Variants in TAF3 observed in about 807,000 individuals in gnomAD.
TAF3 encodes transcription initiation factor TFIID subunit 3.
A neutral mutation model predicts 80.6 loss-of-function variants in TAF3; 7 were observed. The observed-to-expected ratio is 0.09, with a 90% CI of 0.05 to 0.16. TAF3 has a LOEUF of 0.16. Among genes scored for constraint, TAF3 ranks in the 10% least tolerant of loss-of-function variants. The probability of loss-of-function intolerance (pLI) is 1.00; values close to 1 mark genes in which losing one functional copy is unlikely to be tolerated. For missense variants in TAF3, 921 were observed against 1,140.2 expected (o/e 0.81, Z 2.77); for synonymous variants, 444 against 446.1 (o/e 1.00, Z 0.06).
At chr10:7,905,742 G>A (rs1468979916) in intron 2 of TAF3, among the ~76,000 whole-genome samples, 1 of 152,064 alleles carries the variant, frequency 6.6e-6, no homozygotes, top group East Asian at 1.9e-4. Flanking sequence ...AATTAGTCGG[G>A]CGTGGTGGCA....
chr10:7,940,746 G>T lies in TAF3; in HGVS notation c.410-23174G>T, dbSNP rs540957831. 2.0e-5 allele frequency among the ~76,000 whole-genome samples: 3 copies of T among 152,226 alleles called. No individual in the cohort carries two copies. The South Asian group carries it at 6.2e-4, about 32-fold the overall frequency. Reference sequence around the variant, plus strand: ...GAGATGGGAGGATCATTTGAGCCCAGGAGTTTGAGACCAGCCTGAGCAACA... The same window carrying T: ...GAGATGGGAGGATCATTTGAGCCCATGAGTTTGAGACCAGCCTGAGCAACA... On this transcript the variant is annotated intron_variant, in intron 2 of 6. Coordinates refer to ENST00000344293, the MANE Select transcript of TAF3 (RefSeq NM_031923.4).
At chr10:7,994,856 TC>T (rs1831871721) in intron 4 of TAF3, among the ~76,000 whole-genome samples, 1 of 148,056 alleles carries the variant, frequency 6.8e-6, no homozygotes, top group Admixed American at 6.7e-5. Flanking sequence ...ATGCCTGTAA[TC>T]CCAGCTACTC....
intron 2 of TAF3, among the ~76,000 whole-genome samples, chr10:7,921,976 G>A (rs189370645): frequency 6.6e-6 from 1 of 152,154 alleles, no homozygotes; most frequent in African/African-American, 2.4e-5. Context: ...AAATATAAAT[G>A]TATAATTTTC....
At chr10:7,945,546 C>G (rs1838016277) in intron 2 of TAF3, among the ~76,000 whole-genome samples, 1 of 152,160 alleles carries the variant, frequency 6.6e-6, no homozygotes, top group Non-Finnish European at 1.5e-5. Flanking sequence ...CAGACACTCT[C>G]TAGATGCCGC....
At chr10:7,869,686 A>G (rs1305142473) in intron 2 of TAF3, among the ~76,000 whole-genome samples, 1 of 152,124 alleles carries the variant, frequency 6.6e-6, no homozygotes. Flanking sequence ...TTTGATACAT[A>G]TTTCAGTTGC....
chr10:7,819,072 C>T (rs543731537), intron 1 of TAF3, among the ~76,000 whole-genome samples, 197 bp downstream of exon 1: 7 of 152,212 alleles, frequency 4.6e-5, no homozygotes, highest in Non-Finnish European at 1.0e-4. Context: ...TCTTCCTTAT[C>T]CGCTAACTTC....
At chr10:7,842,186 T>TG (rs1410254410) in intron 2 of TAF3, among the ~76,000 whole-genome samples, 7 of 142,236 alleles carry the variant, frequency 4.9e-5, no homozygotes, top group African/African-American at 1.3e-4. Flanking sequence ...GTTTTTTTTT[T>TG]TTTTTGAGAC....
In TAF3 at chr10:7,818,790, G is replaced by T; in HGVS notation, c.81G>T (p.Gln27His). 6.4e-7 allele frequency: 1 copy of T among 1,572,704 alleles called. No homozygotes were observed. The highest frequency in any genetic ancestry group is 8.6e-7 in the Non-Finnish European group (1 of 1,169,448). Residue 27 changes from glutamine (Q) to histidine (H), a missense_variant, in exon 1 of 7, where the codon CAG becomes CAT. This residue lies in a region of TAF3 where 106 missense variants were observed against 191.8 expected (regional missense o/e 0.55). Transcript: ENST00000344293. ...ICQALGWDSV[Q>H]LSACHLLTDV... ...AGGCGCTGGGCTGGGACTCGGTGCAGCTCAGCGCCTGCCACCTCCTCACGG... is the reference window on the plus strand; with the variant it reads ...AGGCGCTGGGCTGGGACTCGGTGCATCTCAGCGCCTGCCACCTCCTCACGG...
chr10:8,012,560 A>G (rs147672099), intron 5 of TAF3, among the ~76,000 whole-genome samples: 15 of 152,340 alleles, frequency 9.8e-5, no homozygotes, highest in Middle Eastern at 3.4e-3. Context: ...TGGGAGCTTC[A>G]GGGCATAGGA....
chr10:8,014,591 G>A (rs1018390663), intron 6 of TAF3, 46 bp from the exon 7 acceptor site: 1 of 1,504,652 alleles, frequency 6.6e-7, no homozygotes, highest in Admixed American at 1.9e-5. Context: ...GAGAAGAATA[G>A]ATGTCTGTAT....
At chr10:7,857,827 C>A (rs1016345398) in intron 2 of TAF3, among the ~76,000 whole-genome samples, 3 of 151,310 alleles carry the variant, frequency 2.0e-5, no homozygotes, top group Non-Finnish European at 4.4e-5. Context: ...TATGAAAGTA[C>A]TATTAGCTTT....
chr10:7,927,934 T>C (rs1298664432), intron 2 of TAF3, among the ~76,000 whole-genome samples: 1 of 151,154 alleles, frequency 6.6e-6, no homozygotes, highest in Non-Finnish European at 1.5e-5. Flanking sequence ...GGTCAAGATT[T>C]TCTTCTCAAA....
intron 2 of TAF3, among the ~76,000 whole-genome samples, chr10:7,943,645 T>A (rs1837996986): frequency 6.6e-6 from 1 of 152,200 alleles, no homozygotes; most frequent in Admixed American, 6.5e-5. Context: ...ATACAGATGG[T>A]AGGTGCTCAG....
At chr10:7,854,115 G>C (rs946737967) in intron 2 of TAF3, among the ~76,000 whole-genome samples, 1 of 152,136 alleles carries the variant, frequency 6.6e-6, no homozygotes, top group African/African-American at 2.4e-5. Context: ...TCCAGTGACC[G>C]ATGTCATTAC....
Position 7,970,385 on chromosome 10 carries a change from G to C in TAF3, c.2232+4643G>C, listed in dbSNP as rs77568257. On this transcript the variant is annotated intron_variant, in intron 3 of 6. Transcript: ENST00000344293. ...ACAGCTCTGAGGGTTTGGTATAGTGGTTCCTGTTTTACAGTTGAGAAAACT... is the reference window on the plus strand; with the variant it reads ...ACAGCTCTGAGGGTTTGGTATAGTGCTTCCTGTTTTACAGTTGAGAAAACT... Among the ~76,000 whole-genome samples, 944 of 152,344 alleles carry C rather than the reference G, an allele frequency of 6.2e-3. 4 individuals are homozygous for C. The highest frequency in any genetic ancestry group is 8.4e-3 in the Non-Finnish European group (574 of 68,032).
intron 2 of TAF3, among the ~76,000 whole-genome samples, chr10:7,890,994 C>T (rs1301383223): frequency 6.6e-6 from 1 of 152,234 alleles, no homozygotes; most frequent in East Asian, 1.9e-4. Flanking sequence ...TGTAGCTGAA[C>T]TTGCGGATGC....
intron 6 of TAF3, 22 bp downstream of exon 6, chr10:8,013,859 C>A: frequency 6.3e-7 from 1 of 1,595,136 alleles, no homozygotes; most frequent in Non-Finnish European, 8.6e-7. Context: ...GGGCGCCCTG[C>A]CGGCCACACT....
chr10:7,857,851 G>C (rs1837097144), intron 2 of TAF3, among the ~76,000 whole-genome samples: 1 of 151,362 alleles, frequency 6.6e-6, no homozygotes, highest in African/African-American at 2.4e-5. Context: ...AATTCATTGG[G>C]AAGAAACTCT....
chr10:7,902,893 G>A (rs538676057), intron 2 of TAF3, among the ~76,000 whole-genome samples: 10 of 151,936 alleles, frequency 6.6e-5, no homozygotes, highest in African/African-American at 2.4e-4. Context: ...CTTTTTTAGT[G>A]GTTAGAATAG....
Sources: allele counts gnomAD v4.1 joint callset (sites outside exome capture counted in the v4.1 genomes callset), GRCh38; gene constraint gnomAD v4.1.1; regional missense constraint gnomAD v4.1.1; transcripts MANE v1.5; gene names NCBI Gene and HGNC (gene_info 2026-07-23, HGNC 2026-07-21).